The following IPO5 variants were observed in gnomAD, a reference collection of about 807,000 sequenced individuals.
IPO5 encodes the protein importin 5.
IPO5 carries 18 observed loss-of-function variants against 143.3 expected under a neutral mutation model. That is an observed-to-expected ratio of 0.13 (90% confidence interval 0.09 to 0.19). The LOEUF (loss-of-function observed/expected upper bound fraction) is 0.19. Among genes scored for constraint, IPO5 ranks in the 10% least tolerant of loss-of-function variants. The pLI is 1.00. For missense variants in IPO5, 1,013 were observed against 1,336.9 expected (o/e 0.76, Z 3.78); for synonymous variants, 477 against 465.7 (o/e 1.02, Z -0.31).
intron 5 of IPO5, among the ~76,000 whole-genome samples, chr13:97,983,189 C>A (rs1341831268): frequency 6.6e-6 from 1 of 152,186 alleles, no homozygotes; most frequent in Admixed American, 6.5e-5. Context: ...GTGCTTTTTG[C>A]AGCTAAAAGT....
In IPO5 at chr13:98,014,181, C is replaced by T. The variant is rs746420521; in HGVS notation, c.2292C>T (p.Asp764=). 10 of 1,612,124 alleles carry T rather than the reference C, an allele frequency of 6.2e-6. No individual in the cohort carries two copies. The highest frequency in any genetic ancestry group is 1.1e-5 in the South Asian group (1 of 90,724). ...CCATTGGTACAGAACCAGATTCAGA[C>T]GTCCTCTCAGAAATAATGCATTCTT... is the stretch of plus-strand genomic sequence containing the variant. The part of the protein sequence containing the change: ...IKAIGTEPDS[D]VLSEIMHSFA... The change falls in exon 22 of 29, where the codon GAC becomes GAT. Residue 764 remains aspartate, a synonymous_variant. Transcript: ENST00000651721.
intron 17 of IPO5, among the ~76,000 whole-genome samples, chr13:98,006,866 G>GTTTT (rs869302123): frequency 1.6e-5 from 2 of 125,072 alleles, no homozygotes; most frequent in Admixed American, 8.0e-5. Flanking sequence ...TTGGTTTGGT[G>GTTTT]TTTTTTTTTT....
intron 6 of IPO5, chr13:97,988,173 G>T (rs1370357748): frequency 1.9e-5 from 3 of 158,034 alleles, no homozygotes; most frequent in Non-Finnish European, 2.8e-5. Flanking sequence ...GTAGATTTTT[G>T]TGGTCACTCA....
intron 12 of IPO5, among the ~76,000 whole-genome samples, chr13:98,000,145 C>T (rs546695121): frequency 3.9e-4 from 59 of 152,136 alleles, no homozygotes; most frequent in African/African-American, 1.3e-3. Flanking sequence ...ATTAGCCAGG[C>T]GTGGTGGCGG....
At chr13:97,986,325 A>G (rs189020408) in intron 6 of IPO5, among the ~76,000 whole-genome samples, 28 of 152,204 alleles carry the variant, frequency 1.8e-4, no homozygotes, top group Admixed American at 1.2e-3. Context: ...AAATATATAC[A>G]TATACTGTTA....
intron 21 of IPO5, 79 bp downstream of exon 21, chr13:98,012,421 C>A: frequency 1.2e-6 from 1 of 843,860 alleles, no homozygotes; most frequent in Non-Finnish European, 2.1e-6. Flanking sequence ...ACAGTGTTGA[C>A]TGAAGTAGAC....
rs935614094 is a variant in IPO5 at position 98,022,094 on chromosome 13, G to A, written c.*272G>A. 2.4e-5 allele frequency: 7 copies of A among 292,912 alleles called. No individual in the cohort carries two copies. The highest frequency in any genetic ancestry group is 6.4e-5 in the African/African-American group (3 of 47,130). 18.1% of individuals were successfully genotyped at this position (292,912 alleles called of 1,614,324 possible). ...TGGTATAACCCGCCCACCTGAAGGG[G>A]AAAGGGAAATCAAATTAATTTTTCT... On this transcript the variant is annotated 3_prime_UTR_variant, in exon 29 of 29. Transcript: ENST00000651721.
intron 3 of IPO5, chr13:97,975,985 C>G: frequency 1.0e-6 from 1 of 984,882 alleles, no homozygotes. Flanking sequence ...AGCGAGAAGT[C>G]CGTGAGTAGA....
chr13:97,987,339 T>C (rs1349336210), intron 6 of IPO5: 1 of 151,990 alleles, frequency 6.6e-6, no homozygotes, highest in Non-Finnish European at 1.5e-5. Flanking sequence ...GAAATGAAGA[T>C]CAAGGTTACA....
intron 20 of IPO5, among the ~76,000 whole-genome samples, 194 bp downstream of exon 20, chr13:98,010,418 AAAC>A (rs1377902251): frequency 6.6e-6 from 1 of 152,198 alleles, no homozygotes; most frequent in Non-Finnish European, 1.5e-5. Flanking sequence ...AAATAGCAAA[AAAC>A]AACAAATAGC....
At chr13:98,009,215 T>G (rs748388015) in intron 18 of IPO5, among the ~76,000 whole-genome samples, 2 of 152,216 alleles carry the variant, frequency 1.3e-5, no homozygotes, top group Non-Finnish European at 2.9e-5. Context: ...GTGGGGCATG[T>G]GTCCATGCAT....
chr13:98,005,940 C>T (rs1173165751), intron 16 of IPO5, among the ~76,000 whole-genome samples, 190 bp from the exon 17 acceptor site: 2 of 152,128 alleles, frequency 1.3e-5, no homozygotes, highest in African/African-American at 4.8e-5. Context: ...AAAAAAATCT[C>T]ACATAAATAG....
chr13:98,014,828 C>A (rs1436089168), intron 22 of IPO5, among the ~76,000 whole-genome samples: 1 of 146,874 alleles, frequency 6.8e-6, no homozygotes, highest in Non-Finnish European at 1.5e-5. Context: ...ACACTTTCCT[C>A]AATTCTTCTC....
At chr13:98,005,262 A>G (rs1889133235) in intron 16 of IPO5, among the ~76,000 whole-genome samples, 1 of 150,588 alleles carries the variant, frequency 6.6e-6, no homozygotes, top group Non-Finnish European at 1.5e-5. Flanking sequence ...TAGTGGCGCA[A>G]TCTCGGCTCA....
At chr13:98,011,163 T>C (rs1594120580) in intron 20 of IPO5, among the ~76,000 whole-genome samples, 1 of 152,290 alleles carries the variant, frequency 6.6e-6, no homozygotes, top group East Asian at 1.9e-4. Context: ...CACTTTGGAT[T>C]TTTGTGGGTT....
At chr13:97,971,107 G>T (rs1885793440) in intron 3 of IPO5, among the ~76,000 whole-genome samples, 1 of 152,228 alleles carries the variant, frequency 6.6e-6, no homozygotes, top group Admixed American at 6.5e-5. Flanking sequence ...TTGCACATTG[G>T]CCGGCTCTGG....
intron 26 of IPO5, 145 bp from the exon 27 acceptor site, chr13:98,019,436 T>C (rs1890337696): frequency 3.1e-6 from 2 of 644,822 alleles, no homozygotes; most frequent in Non-Finnish European, 5.3e-6. Context: ...CATTCTGTAA[T>C]GACATAGCCA....
At chr13:97,965,396 T>C (rs1247126434) in intron 2 of IPO5, among the ~76,000 whole-genome samples, 1 of 152,068 alleles carries the variant, frequency 6.6e-6, no homozygotes, top group Non-Finnish European at 1.5e-5. Flanking sequence ...ACAAAGGCAA[T>C]TGGAATTTTA....
At chr13:97,998,623 G>A (rs993831773) in intron 12 of IPO5, among the ~76,000 whole-genome samples, 4 of 152,196 alleles carry the variant, frequency 2.6e-5, no homozygotes, top group African/African-American at 7.2e-5. Flanking sequence ...TCACTGTGCA[G>A]TAGTAATGAT....
Sources: gnomAD v4.1 joint callset for allele counts (sites outside exome capture counted in the v4.1 genomes callset) on GRCh38, gnomAD v4.1.1 for gene constraint, MANE v1.5 for transcripts, NCBI Gene and HGNC (gene_info 2026-07-23, HGNC 2026-07-21) for gene names.